Variants in STAT3 observed in about 807,000 individuals in gnomAD.
The protein encoded by STAT3 is DNA-binding protein APRF.
In STAT3, 7 loss-of-function variants were observed where a neutral mutation model predicts 114.3. The observed-to-expected ratio is 0.06, with a 90% CI of 0.03 to 0.11. The LOEUF (loss-of-function observed/expected upper bound fraction) is 0.11. STAT3 is among the 10% of genes least tolerant of loss of function. STAT3 has a pLI of 1.00. For missense variants in STAT3, 364 were observed against 960.9 expected (o/e 0.38, Z 8.21); for synonymous variants, 331 against 354.5 (o/e 0.93, Z 0.74).
At chr17:42,351,245 A>AT (rs1555571497) in intron 1 of STAT3, among the ~76,000 whole-genome samples, 2 of 151,866 alleles carry the variant, frequency 1.3e-5, no homozygotes, top group Non-Finnish European at 2.9e-5. Context: ...AAAACATATT[A>AT]TTATTTATTT....
At position 42,386,009 on chromosome 17, in the gene STAT3, C is replaced by T. The variant is rs149730837; in HGVS notation, c.-24+2270G>A. ...GAATTTCACTGATACTTACTGGGCGCGGTGGCTCACACCTGTAATCCCAGC... is the reference window on the plus strand; with the variant it reads ...GAATTTCACTGATACTTACTGGGCGTGGTGGCTCACACCTGTAATCCCAGC... On this transcript the variant is annotated intron_variant, in intron 1 of 23. Transcript: ENST00000264657. 1.2e-4 allele frequency among the ~76,000 whole-genome samples: 19 copies of T among 152,026 alleles called. 2 individuals carry two copies. Among genetic ancestry groups the T allele is most frequent in the African/African-American group, 3.9e-4 (16 of 41,452 alleles).
intron 20 of STAT3, 50 bp downstream of exon 20, chr17:42,322,954 T>C (rs754237080): frequency 1.5e-5 from 24 of 1,612,154 alleles, no homozygotes; most frequent in Non-Finnish European, 1.7e-6. Context: ...GAAGCAGTGA[T>C]GAGGCCTCAG....
chr17:42,384,253 C>G (rs933243985), intron 1 of STAT3, among the ~76,000 whole-genome samples: 2 of 151,568 alleles, frequency 1.3e-5, no homozygotes, highest in Non-Finnish European at 1.5e-5. Flanking sequence ...CTCAGCCTCC[C>G]GAGTAGCTGG....
At chr17:42,341,106 T>C (rs908681836) in intron 4 of STAT3, among the ~76,000 whole-genome samples, 1 of 152,134 alleles carries the variant, frequency 6.6e-6, no homozygotes, top group African/African-American at 2.4e-5. Flanking sequence ...ACAGCTGATG[T>C]TTTAACCTTC....
In STAT3 at chr17:42,313,717, T is replaced by A. The variant is rs2081156010; in HGVS notation, c.*2028A>T. 1 of 232,956 alleles carries A rather than the reference T, an allele frequency of 4.3e-6. No individual in the cohort carries two copies. Among genetic ancestry groups the A allele is most frequent in the Non-Finnish European group, 8.5e-6 (1 of 117,512 alleles). The allele number at this position is 232,956 out of a possible 1,614,324, so 14.4% of individuals were successfully genotyped here. ...TCTGCTCCAGAGAAGCCCTGAACCC[T>A]CGCCCTAGGTCCCTATGATTTAAAC... On this transcript the variant is annotated 3_prime_UTR_variant, in exon 24 of 24. Transcript: ENST00000264657.
chr17:42,329,692 C>A (rs199924852), intron 12 of STAT3, 45 bp from the exon 13 acceptor site: 1 of 1,614,022 alleles, frequency 6.2e-7, no homozygotes, highest in Non-Finnish European at 8.5e-7. Flanking sequence ...ACCAAGTAGC[C>A]GGAGGATGAA....
At chr17:42,323,415 G>C (rs530178294) in intron 18 of STAT3, 61 bp from the exon 19 acceptor site, 242 of 1,590,132 alleles carry the variant, frequency 1.5e-4, no homozygotes, top group Admixed American at 1.5e-4. Flanking sequence ...CCCTTCCTAG[G>C]GGTGCAGTGC....
chr17:42,322,140 A>G, intron 21 of STAT3, 142 bp downstream of exon 21: 1 of 799,762 alleles, frequency 1.3e-6, no homozygotes, highest in South Asian at 1.5e-5. Context: ...CCCCAACAAA[A>G]GCACTCACTA....
intron 1 of STAT3, among the ~76,000 whole-genome samples, chr17:42,379,411 G>A (rs1243435008): frequency 1.3e-5 from 2 of 152,158 alleles, no homozygotes; most frequent in African/African-American, 4.8e-5. Flanking sequence ...TTACAGGACA[G>A]GAAAATAAAG....
chr17:42,369,164 C>T (rs1230613603), intron 1 of STAT3, among the ~76,000 whole-genome samples: 1 of 152,118 alleles, frequency 6.6e-6, no homozygotes, highest in Non-Finnish European at 1.5e-5. Flanking sequence ...TCAAGAACAG[C>T]CTGCCCAACA....
At chr17:42,323,491 AG>A (rs2081571398) in intron 18 of STAT3, 81 bp downstream of exon 18, 8 of 1,569,556 alleles carry the variant, frequency 5.1e-6, no homozygotes, top group Non-Finnish European at 7.0e-6. Context: ...CCAAGAGTTC[AG>A]GGCCTTCAAG....
chr17:42,339,619 G>C (rs1274882625), intron 4 of STAT3, among the ~76,000 whole-genome samples: 1 of 152,166 alleles, frequency 6.6e-6, no homozygotes, highest in East Asian at 1.9e-4. Flanking sequence ...ATGGCACTAA[G>C]AGACCACATG....
chr17:42,381,651 G>A (rs1225806813), intron 1 of STAT3, among the ~76,000 whole-genome samples: 1 of 150,380 alleles, frequency 6.6e-6, no homozygotes, highest in Non-Finnish European at 1.5e-5. Context: ...AGAGTGGCGT[G>A]AACCCGGGAG....
rs182659482 is a variant in STAT3 at position 42,330,719 on chromosome 17, G to A, written c.1109+753C>T. On this transcript the variant is annotated intron_variant, in intron 11 of 23. Coordinates refer to ENST00000264657, the MANE Select transcript of STAT3 (RefSeq NM_139276.3). ...GCTGGGATTACAGGCATGAGCCACC[G>A]CGCCCGGCCCACATTTTCTCTTTTC... Among the ~76,000 whole-genome samples, 447 of 152,140 alleles carry A rather than the reference G, an allele frequency of 2.9e-3. 1 individual carries two copies. Among genetic ancestry groups the A allele is most frequent in the African/African-American group, 0.01 (420 of 41,520 alleles).
rs11079042 is a variant in STAT3 at position 42,315,161 on chromosome 17, A to C, written c.*584T>G. On this transcript the variant is annotated 3_prime_UTR_variant, in exon 24 of 24. Coordinates refer to ENST00000264657, the MANE Select transcript of STAT3 (RefSeq NM_139276.3). ...GTGAGCCACCATGCCCGGCTGCTTA[A>C]GTTTCTTAAATACAGAAAGGCTATG... 0.022 allele frequency: 4,816 copies of C among 218,396 alleles called. 240 individuals carry two copies. Among genetic ancestry groups the C allele is most frequent in the African/African-American group, 0.1 (4,515 of 44,124 alleles). The allele number at this position is 218,396 out of a possible 1,614,324, so 13.5% of individuals were successfully genotyped here.
At chr17:42,378,802 A>G (rs990007249) in intron 1 of STAT3, among the ~76,000 whole-genome samples, 5 of 152,312 alleles carry the variant, frequency 3.3e-5, no homozygotes, top group Admixed American at 1.3e-4. Flanking sequence ...TCAAGATTAC[A>G]TTGTGGGGAG....
At chr17:42,331,332 C>A in intron 11 of STAT3, 140 bp downstream of exon 11, 1 of 757,108 alleles carries the variant, frequency 1.3e-6, no homozygotes, top group Non-Finnish European at 2.2e-6. Flanking sequence ...TGACAATGCA[C>A]CCCAAGGCTT....
chr17:42,358,132 G>A (rs1031946747), intron 1 of STAT3, among the ~76,000 whole-genome samples: 5 of 152,108 alleles, frequency 3.3e-5, no homozygotes, highest in Non-Finnish European at 7.3e-5. Context: ...AGAAGTAAAG[G>A]CCAGGCATGG....
rs750197703 is a variant in STAT3 at position 42,338,712 on chromosome 17, A to T, written c.550+19T>A. 1.3e-6 allele frequency: 2 copies of T among 1,598,346 alleles called. No individual in the cohort carries two copies. The highest frequency in any genetic ancestry group is 1.7e-5 in the Admixed American group (1 of 60,010). On this transcript the variant is annotated intron_variant, in intron 6 of 23. Coordinates refer to ENST00000264657, the MANE Select transcript of STAT3 (RefSeq NM_139276.3). ...AAACTCACTTTCTAGAGATTTTAAC[A>T]TCTCTAATATTCACTTGCCTCCTTG...
Sources: gnomAD v4.1 joint callset for allele counts (sites outside exome capture counted in the v4.1 genomes callset) on GRCh38, gnomAD v4.1.1 for gene constraint, MANE v1.5 for transcripts, NCBI Gene and HGNC (gene_info 2026-07-23, HGNC 2026-07-21) for gene names.